Variants in TPPP observed in about 807,000 individuals in gnomAD.
The protein encoded by TPPP is tubulin polymerization-promoting protein.
Under a neutral mutation model 15.5 loss-of-function variants are expected in TPPP, and 6 were observed. That is an observed-to-expected ratio of 0.39 (90% CI 0.21 to 0.77). TPPP has a LOEUF of 0.77. Among genes scored for constraint, TPPP ranks in the 30% least tolerant of loss-of-function variants. The pLI is 0.42. For missense variants in TPPP, 269 were observed against 307.2 expected, an observed-to-expected ratio of 0.88 and a Z score of 0.93; for synonymous variants, 146 against 133.9, an observed-to-expected ratio of 1.09 and a Z score of -0.63.
At chr5:666,393 G>A (rs770254626) in intron 2 of TPPP, among the ~76,000 whole-genome samples, 1 of 152,228 alleles carries the variant, frequency 6.6e-6, no homozygotes, top group African/African-American at 2.4e-5. Context: ...GGGCAGTGCC[G>A]GAGGCCATTA....
chr5:697,448 C>G (rs1741034870), upstream of TPPP, among the ~76,000 whole-genome samples: 1 of 152,020 alleles, frequency 6.6e-6, no homozygotes, highest in Non-Finnish European at 1.5e-5. Context: ...GAGCCCATGC[C>G]TGGCAGAGAC....
chr5:684,555 T>A (rs1207614033), intron 1 of TPPP, among the ~76,000 whole-genome samples: 3 of 150,286 alleles, frequency 2.0e-5, no homozygotes, highest in Non-Finnish European at 3.0e-5. Flanking sequence ...CCTGTGGAGC[T>A]CACCCAGCCC....
At chr5:683,379 G>T (rs1032115930) in intron 1 of TPPP, among the ~76,000 whole-genome samples, 27 of 152,210 alleles carry the variant, frequency 1.8e-4, no homozygotes, top group African/African-American at 6.5e-4. Context: ...CATCAGGCAC[G>T]CACGCCACAC....
intron 2 of TPPP, among the ~76,000 whole-genome samples, chr5:672,926 A>G (rs1740272916): frequency 6.6e-6 from 1 of 152,268 alleles, no homozygotes; most frequent in Non-Finnish European, 1.5e-5. Flanking sequence ...TGCCATGGCA[A>G]CGAGGACTAA....
rs779747405 is a variant in TPPP, at chr5:665,241, CCCGTGAACTTGGTGGTGT to C, written c.503_520del (p.Asp168_Thr173del). The C allele has an allele frequency of 6.2e-7, 1 of 1,613,816 alleles. No individual in the cohort carries two copies. The highest frequency in any genetic ancestry group is 8.5e-7 in the Non-Finnish European group (1 of 1,179,960). ...GGGGTCGAAGCGCTCCTTGTGGGAG[CCCGTGAACTTGGTGGTGT>C]CCGTGAGCCTCGACACTGTGGGCGA... On this transcript the variant is annotated inframe_deletion, in exon 4 of 4. Coordinates refer to ENST00000360578, the MANE Select transcript of TPPP (RefSeq NM_007030.3).
chr5:688,659 G>A (rs1450078178), intron 1 of TPPP, among the ~76,000 whole-genome samples: 3 of 143,838 alleles, frequency 2.1e-5, no homozygotes, highest in African/African-American at 7.4e-5. Context: ...GGGCACTGAC[G>A]AAGGTGGCAG....
Position 666,056 on chromosome 5 carries a change from G to C in TPPP, c.379C>G (p.Arg127Gly). ...TCCTCGCTGCTCTTGTCTTTGAATC[G>C]CTTCTTGGCGAGCTCCTCCAGCGCC... ...QEALEELAKK[R>G]FKDKSSEEAV... Residue 127 changes from arginine (R) to glycine (G), a missense_variant, in exon 3 of 4, where the codon CGA (arginine) becomes GGA (glycine). Coordinates refer to ENST00000360578, the MANE Select transcript of TPPP (RefSeq NM_007030.3). The C allele has an allele frequency of 6.2e-7, 1 of 1,611,978 alleles. No homozygotes were observed. Among genetic ancestry groups the C allele is most frequent in the Non-Finnish European group, 8.5e-7 (1 of 1,179,768 alleles).
chr5:692,546 G>A (rs1026155571), intron 1 of TPPP: 1 of 979,904 alleles, frequency 1.0e-6, no homozygotes, highest in East Asian at 1.1e-4. Context: ...TGCCCGGGAG[G>A]GACAGGCTTC....
At chr5:667,536 G>A (rs1739971083) in intron 2 of TPPP, among the ~76,000 whole-genome samples, 1 of 152,152 alleles carries the variant, frequency 6.6e-6, no homozygotes, top group Admixed American at 6.5e-5. Flanking sequence ...ACAAAACATG[G>A]CCTATAGTGG....
At chr5:682,120 G>T (rs1263898351) in intron 1 of TPPP, among the ~76,000 whole-genome samples, 2 of 150,796 alleles carry the variant, frequency 1.3e-5, no homozygotes, top group Admixed American at 1.3e-4. Flanking sequence ...CAGAAAACCT[G>T]CCAGAACAGA....
intron 2 of TPPP, among the ~76,000 whole-genome samples, chr5:668,456 A>C (rs893227660): frequency 7.5e-6 from 1 of 133,404 alleles, no homozygotes; most frequent in South Asian, 2.3e-4. Context: ...GCGGACAAGC[A>C]CACGGAGAGG....
intron 2 of TPPP, among the ~76,000 whole-genome samples, chr5:670,243 C>T (rs1221226684): frequency 6.6e-6 from 1 of 152,148 alleles, no homozygotes; most frequent in African/African-American, 2.4e-5. Flanking sequence ...GCATCCAGCA[C>T]CCTTGTGAAT....
chr5:678,569 C>T (rs1471667555), intron 1 of TPPP, among the ~76,000 whole-genome samples: 1 of 138,484 alleles, frequency 7.2e-6, no homozygotes, highest in Non-Finnish European at 1.5e-5. Context: ...AGCAGTCGTG[C>T]GACAGCCGCT....
chr5:698,692 G>C, the TPPP span, among the ~76,000 whole-genome samples: 13 of 151,944 alleles, frequency 8.6e-5, no homozygotes, highest in East Asian at 3.9e-4. Context: ...TTGTCTCCTA[G>C]CTGGTCCCTC....
At chr5:683,448 G>A (rs1226186254) in intron 1 of TPPP, among the ~76,000 whole-genome samples, 1 of 152,196 alleles carries the variant, frequency 6.6e-6, no homozygotes, top group Admixed American at 6.5e-5. Flanking sequence ...CTTCTGCCTG[G>A]CAGGAGCCGA....
At chr5:666,515 G>T (rs1739922204) in intron 2 of TPPP, among the ~76,000 whole-genome samples, 1 of 152,208 alleles carries the variant, frequency 6.6e-6, no homozygotes, top group Non-Finnish European at 1.5e-5. Flanking sequence ...TGTGTGTTGG[G>T]GTCCTAGGTG....
intron 2 of TPPP, among the ~76,000 whole-genome samples, chr5:674,325 C>T (rs1007998703): frequency 7.2e-6 from 1 of 138,650 alleles, no homozygotes; most frequent in African/African-American, 3.4e-5. Flanking sequence ...CAAACAAGGA[C>T]ACCTGAGGGG....
intron 2 of TPPP, among the ~76,000 whole-genome samples, chr5:669,872 A>G (rs1740145413): frequency 6.6e-6 from 1 of 152,078 alleles, no homozygotes; most frequent in African/African-American, 2.4e-5. Context: ...AGAGACACTC[A>G]GTCTGGCTGC....
At chr5:667,071 C>T (rs1739947621) in intron 2 of TPPP, 1 of 147,334 alleles carries the variant, frequency 6.8e-6, no homozygotes, top group African/African-American at 2.7e-5. Context: ...ACAAATGACC[C>T]ATAAAACCCC....
Sources: allele counts gnomAD v4.1 joint callset (sites outside exome capture counted in the v4.1 genomes callset), GRCh38; gene constraint gnomAD v4.1.1; transcripts MANE v1.5; gene names NCBI Gene and HGNC (gene_info 2026-07-23, HGNC 2026-07-21).